MTREX: variants seen among roughly 807,000 people sequenced by gnomAD.
MTREX encodes Mtr4 exosome RNA helicase.
MTREX carries 76 observed loss-of-function variants against 135.4 expected under a neutral mutation model. That is an observed-to-expected ratio of 0.56 (90% confidence interval 0.47 to 0.68). The LOEUF (loss-of-function observed/expected upper bound fraction) is 0.68. Ranked by LOEUF, MTREX falls within the 30% of genes least tolerant of loss-of-function variation. The pLI, the probability that MTREX is intolerant of heterozygous loss-of-function variation, is 0.00. For missense variants in MTREX, 920 were observed against 1,262.1 expected (o/e 0.73, Z 4.11); for synonymous variants, 404 against 401.6 (o/e 1.01, Z -0.07).
In MTREX at chr5:55,402,852, A is replaced by ATGTGTGTGTGTGTG. The variant is rs767239762; in HGVS notation, c.2481+2439_2481+2452dup. Among the ~76,000 whole-genome samples the ATGTGTGTGTGTGTG allele has an allele frequency of 7.1e-3, 807 of 114,468 alleles. 7 individuals carry two copies. The highest frequency in any genetic ancestry group is 0.024 in the African/African-American group (754 of 31,908). 75.1% of individuals were successfully genotyped at this position (114,468 alleles called of 152,430 possible). A position where few individuals can be genotyped will look rare whatever the true frequency, so the allele number is the denominator to read the frequency against. On this transcript the variant is annotated intron_variant, in intron 21 of 26. Coordinates refer to ENST00000230640, the MANE Select transcript of MTREX (RefSeq NM_015360.5). Reference sequence around the variant, plus strand: ...TGTGTGTGTGTGTGTATGTGTATGTATGTGTGTGTGTGTGTGTGTGTATAT... The same window carrying ATGTGTGTGTGTGTG: ...TGTGTGTGTGTGTGTATGTGTATGTATGTGTGTGTGTGTGTGTGTGTGTGTGTGTGTGTGTATAT...
chr5:55,387,704 CATT>C (rs1389886075), intron 18 of MTREX, among the ~76,000 whole-genome samples: 5 of 152,062 alleles, frequency 3.3e-5, no homozygotes, highest in Admixed American at 6.6e-5. Context: ...AGTTTCTTAA[CATT>C]ATTAGAAACA....
chr5:55,309,682 AT>A (rs1340410872), intron 1 of MTREX, among the ~76,000 whole-genome samples: 3 of 152,340 alleles, frequency 2.0e-5, no homozygotes, highest in Admixed American at 2.0e-4. Flanking sequence ...CTGTAGGAAA[AT>A]GTCCACTGGG....
intron 1 of MTREX, among the ~76,000 whole-genome samples, chr5:55,318,432 T>C (rs549529585): frequency 6.6e-6 from 1 of 152,330 alleles, no homozygotes; most frequent in South Asian, 2.1e-4. Flanking sequence ...TGAAATATTA[T>C]GCAGCCGTGA....
chr5:55,409,369 GTAA>G (rs1750853469), intron 22 of MTREX, among the ~76,000 whole-genome samples: 1 of 152,082 alleles, frequency 6.6e-6, no homozygotes, highest in South Asian at 2.1e-4. Context: ...AAAAGGACTT[GTAA>G]TAATAGTCTT....
At chr5:55,408,809 G>A (rs1298282665) in intron 22 of MTREX, among the ~76,000 whole-genome samples, 1 of 151,832 alleles carries the variant, frequency 6.6e-6, no homozygotes, top group African/African-American at 2.4e-5. Flanking sequence ...AAACACAAAG[G>A]GACAAAAAGC....
In MTREX at chr5:55,331,185, TA is replaced by T. The variant is rs200665492; in HGVS notation, c.515+2383del. Among the ~76,000 whole-genome samples the T allele has an allele frequency of 5.1e-3, 775 of 152,020 alleles. 3 individuals are homozygous for T. Among genetic ancestry groups the T allele is most frequent in the African/African-American group, 0.018 (739 of 41,468 alleles). On this transcript the variant is annotated intron_variant, in intron 5 of 26. Coordinates refer to ENST00000230640, the MANE Select transcript of MTREX (RefSeq NM_015360.5). ...CATTTTTGGATCTGATTTTATTGAT[TA>T]AAAAAAAATTTTCATTACAGACTGT...
chr5:55,371,681 C>T (rs1221071250), intron 16 of MTREX, among the ~76,000 whole-genome samples: 1 of 152,052 alleles, frequency 6.6e-6, no homozygotes, highest in African/African-American at 2.4e-5. Context: ...CAAGTTGCCT[C>T]ATTAATTTAT....
chr5:55,422,963 G>A lies in MTREX; in HGVS notation c.3057G>A (p.Leu1019=). Residue 1019 remains leucine (L), a synonymous_variant, in exon 26 of 27, where the codon CTG becomes CTA. Coordinates refer to ENST00000230640, the MANE Select transcript of MTREX (RefSeq NM_015360.5). ...CAAAAGCCATTGGAAACACTGAGCT[G>A]GAAAATAAATTTGCAGAAGGTCAGT... ...QAAKAIGNTE[L]ENKFAEGITK... is the part of the protein sequence containing the mutation. The A allele has an allele frequency of 6.2e-7, 1 of 1,613,718 alleles. No individual in the cohort carries two copies. Among genetic ancestry groups the A allele is most frequent in the South Asian group, 1.1e-5 (1 of 90,996 alleles).
At chr5:55,421,745 GATTTC>G (rs1441695623) in intron 25 of MTREX, among the ~76,000 whole-genome samples, 5 of 152,128 alleles carry the variant, frequency 3.3e-5, no homozygotes, top group Non-Finnish European at 7.4e-5. Flanking sequence ...CTTTGTAAAG[GATTTC>G]ATTTCAATCC....
At chr5:55,358,167 A>T (rs943272368) in intron 14 of MTREX, among the ~76,000 whole-genome samples, 5 of 152,148 alleles carry the variant, frequency 3.3e-5, no homozygotes, top group African/African-American at 1.2e-4. Context: ...TCCAGCTCAA[A>T]GGTATTTTTT....
intron 3 of MTREX, among the ~76,000 whole-genome samples, chr5:55,326,231 T>C (rs2112036757): frequency 6.6e-6 from 1 of 152,028 alleles, no homozygotes; most frequent in East Asian, 1.9e-4. Flanking sequence ...ACCCCGTCTC[T>C]ACTAAAAATA....
Position 55,339,548 on chromosome 5 carries a change from A to G in MTREX, c.516-462A>G, listed in dbSNP as rs934447083. On this transcript the variant is annotated intron_variant, in intron 5 of 26. Transcript: ENST00000230640. ...ATTTTCCATAATCAGAACCTACCAT[A>G]ATTTTCAGAGGACTGACTTGTTAAC... Among the ~76,000 whole-genome samples the G allele has an allele frequency of 7.9e-5, 12 of 152,348 alleles. No individual in the cohort carries two copies. The East Asian group carries it at 1.2e-3, about 15-fold the overall frequency.
In MTREX at chr5:55,352,242, C is replaced by A. The variant is rs534288334; in HGVS notation, c.1432-926C>A. On this transcript the variant is annotated intron_variant, in intron 13 of 26. Transcript: ENST00000230640. The stretch of plus-strand genomic sequence containing the variant: ...TCAAATGTGAGATTTATCATGAGAA[C>A]CTCAGCACTAAGTAAAATATTTAAG... Among the ~76,000 whole-genome samples the A allele has an allele frequency of 2.0e-5, 3 of 152,114 alleles. No individual in the cohort carries two copies. The East Asian group carries it at 5.8e-4, about 29-fold the overall frequency.
intron 16 of MTREX, among the ~76,000 whole-genome samples, chr5:55,374,266 A>T (rs529701961): frequency 2.9e-4 from 41 of 140,368 alleles, no homozygotes; most frequent in Admixed American, 4.2e-4. Flanking sequence ...AAAAACATTT[A>T]TATATATATA....
chr5:55,324,234 A>C (rs1452125766), intron 3 of MTREX, 36 bp downstream of exon 3: 4 of 1,508,034 alleles, frequency 2.7e-6, no homozygotes, highest in Non-Finnish European at 3.7e-6. Flanking sequence ...TTAGTGTTAC[A>C]AATGGGATTT....
chr5:55,338,382 GT>G (rs1247246869), intron 5 of MTREX, among the ~76,000 whole-genome samples: 1 of 151,974 alleles, frequency 6.6e-6, no homozygotes, highest in Non-Finnish European at 1.5e-5. Flanking sequence ...CCTTAATTAT[GT>G]TGTTCTCTTA....
chr5:55,346,282 T>A (rs1187261725), intron 10 of MTREX, among the ~76,000 whole-genome samples: 1 of 152,222 alleles, frequency 6.6e-6, no homozygotes, highest in East Asian at 1.9e-4. Context: ...TTACATTTCC[T>A]TCCAGGAATG....
intron 25 of MTREX, among the ~76,000 whole-genome samples, chr5:55,421,254 A>G (rs187801275): frequency 1.1e-3 from 163 of 152,334 alleles, no homozygotes; most frequent in Non-Finnish European, 2.0e-3. Context: ...GAGAGATGCT[A>G]GACAATTCAC....
chr5:55,359,111 G>A (rs1184193034), intron 15 of MTREX, among the ~76,000 whole-genome samples: 1 of 152,168 alleles, frequency 6.6e-6, no homozygotes, highest in Non-Finnish European at 1.5e-5. Context: ...AGCTTAATAG[G>A]TTAATTCAGC....
Sources: allele counts gnomAD v4.1 joint callset (sites outside exome capture counted in the v4.1 genomes callset), GRCh38; gene constraint gnomAD v4.1.1; transcripts MANE v1.5; gene names NCBI Gene and HGNC (gene_info 2026-07-23, HGNC 2026-07-21).